DLGAP1: variants seen among roughly 807,000 people sequenced by gnomAD.
DLGAP1 encodes disks large-associated protein 1.
Under a neutral mutation model 90.8 loss-of-function variants are expected in DLGAP1, and 11 were observed. That is an observed-to-expected ratio of 0.12 (90% confidence interval 0.08 to 0.20). The LOEUF is 0.20. Ranked by LOEUF, DLGAP1 falls within the 10% of genes least tolerant of loss-of-function variation. The pLI is 1.00. For missense variants in DLGAP1, 1,050 were observed against 1,333.8 expected (o/e 0.79, Z 3.31); for synonymous variants, 558 against 540.7 (o/e 1.03, Z -0.44).
chr18:4,271,042 T>C (rs1034064468), intron 1 of DLGAP1, among the ~76,000 whole-genome samples: 9 of 152,180 alleles, frequency 5.9e-5, no homozygotes, highest in African/African-American at 1.9e-4. Context: ...CTGACTCATA[T>C]TCCAGAAGAC....
rs1470282602 is a variant in DLGAP1, at chr18:3,683,942, T to C, written c.1591+45193A>G. On this transcript the variant is annotated intron_variant, in intron 7 of 12. Coordinates refer to ENST00000315677, the MANE Select transcript of DLGAP1 (RefSeq NM_004746.4). Reference sequence around the variant, plus strand: ...TGCTCTTAAGATGGAGCAAGTAATATCTCCCTCACTGGGGGGACACGAGGA... The same window carrying C: ...TGCTCTTAAGATGGAGCAAGTAATACCTCCCTCACTGGGGGGACACGAGGA... Among the ~76,000 whole-genome samples the C allele has an allele frequency of 2.0e-5, 3 of 151,976 alleles. No homozygotes were observed. The East Asian group carries it at 5.8e-4, about 29-fold the overall frequency.
At chr18:4,033,779 AC>A (rs2074839075) in intron 2 of DLGAP1, among the ~76,000 whole-genome samples, 1 of 144,944 alleles carries the variant, frequency 6.9e-6, no homozygotes, top group Non-Finnish European at 1.5e-5. Context: ...TCGCTCTGTC[AC>A]CCAGGCTGGA....
chr18:3,985,188 C>T (rs1230976249), intron 3 of DLGAP1, among the ~76,000 whole-genome samples: 9 of 152,180 alleles, frequency 5.9e-5, no homozygotes, highest in Non-Finnish European at 1.2e-4. Flanking sequence ...TAGCAAGAAC[C>T]TCTGAGCCAC....
At chr18:3,930,117 A>C (rs1287464050) in intron 3 of DLGAP1, among the ~76,000 whole-genome samples, 1 of 152,206 alleles carries the variant, frequency 6.6e-6, no homozygotes, top group East Asian at 1.9e-4. Flanking sequence ...ATGGTGTTTT[A>C]TTATTTTAAT....
intron 1 of DLGAP1, among the ~76,000 whole-genome samples, chr18:4,415,218 T>C (rs1244095524): frequency 2.0e-5 from 3 of 152,144 alleles, no homozygotes; most frequent in Non-Finnish European, 4.4e-5. Flanking sequence ...GTATTTTTGA[T>C]GGATAACACA....
chr18:4,357,633 A>G (rs2081550265), intron 1 of DLGAP1, among the ~76,000 whole-genome samples: 1 of 152,212 alleles, frequency 6.6e-6, no homozygotes. Flanking sequence ...TAGCTGGAGT[A>G]GCCTACCTCC....
chr18:4,060,717 T>A lies in DLGAP1; in HGVS notation c.-158-55516A>T, dbSNP rs184436490. ...TTCAAAAGTTATCAAGGTAAATAAGTATTTCTCGTAAGGAAGATTATAAAT... is the reference window on the plus strand; with the variant it reads ...TTCAAAAGTTATCAAGGTAAATAAGAATTTCTCGTAAGGAAGATTATAAAT... On this transcript the variant is annotated intron_variant, in intron 2 of 12. Transcript: ENST00000315677. Among the ~76,000 whole-genome samples, 9 of 152,364 alleles carry A rather than the reference T, an allele frequency of 5.9e-5. No individual in the cohort carries two copies. The East Asian group carries it at 1.3e-3, about 23-fold the overall frequency.
At chr18:3,818,347 T>C (rs1467696414) in intron 4 of DLGAP1, among the ~76,000 whole-genome samples, 1 of 1,254 alleles carries the variant, frequency 8.0e-4, no homozygotes, top group Non-Finnish European at 1.7e-3. Flanking sequence ...GTAGGGATGG[T>C]TTTTTTTTTT....
intron 5 of DLGAP1, among the ~76,000 whole-genome samples, chr18:3,764,384 T>C (rs2064117315): frequency 6.6e-6 from 1 of 152,182 alleles, no homozygotes. Flanking sequence ...GTTGGCTCAG[T>C]CCGTTAACCA....
At chr18:4,000,796 CTCTTA>C (rs1422890690) in intron 3 of DLGAP1, among the ~76,000 whole-genome samples, 16 of 152,210 alleles carry the variant, frequency 1.1e-4, no homozygotes, top group Admixed American at 6.5e-4. Flanking sequence ...GATTTTCCTT[CTCTTA>C]TAAGGGATAT....
intron 1 of DLGAP1, among the ~76,000 whole-genome samples, chr18:4,300,382 A>C (rs2143246261): frequency 6.6e-6 from 1 of 152,346 alleles, no homozygotes; most frequent in Middle Eastern, 3.4e-3. Flanking sequence ...TATCACATGC[A>C]AGACAAAATG....
At position 3,500,195 on chromosome 18, in the gene DLGAP1, T is replaced by G. The variant is rs539896437; in HGVS notation, c.2725-801A>C. ...AGGATGAAAGAGGTCATTCCTCTTA[T>G]CAGCAGCAAACTATGAAATGGGCGG... On this transcript the variant is annotated intron_variant, in intron 12 of 12. Transcript: ENST00000315677. Among the ~76,000 whole-genome samples, 6 of 152,254 alleles carry G rather than the reference T, an allele frequency of 3.9e-5. No individual in the cohort carries two copies. The South Asian group carries it at 6.2e-4, about 16-fold the overall frequency.
chr18:3,830,809 G>A (rs1212076520), intron 4 of DLGAP1, among the ~76,000 whole-genome samples: 1 of 152,140 alleles, frequency 6.6e-6, no homozygotes, highest in East Asian at 1.9e-4. Context: ...CTTGAGAGGA[G>A]GGATGATGTC....
intron 7 of DLGAP1, among the ~76,000 whole-genome samples, chr18:3,652,385 T>G (rs1293171517): frequency 6.6e-6 from 1 of 152,118 alleles, no homozygotes; most frequent in African/African-American, 2.4e-5. Context: ...TGGAGTGCAG[T>G]GGCGCAGTCA....
intron 7 of DLGAP1, among the ~76,000 whole-genome samples, chr18:3,617,591 C>CAAAAAAAAAAAA: frequency 7.6e-6 from 1 of 132,240 alleles, no homozygotes; most frequent in Non-Finnish European, 1.6e-5. Flanking sequence ...AACTCCATCT[C>CAAAAAAAAAAAA]AAAAAAAAAA....
chr18:4,315,247 A>C (rs376995962), intron 1 of DLGAP1, among the ~76,000 whole-genome samples: 2 of 152,366 alleles, frequency 1.3e-5, no homozygotes, highest in South Asian at 4.1e-4. Flanking sequence ...TAAAGTGCTT[A>C]TAACAGTGCC....
At chr18:3,919,665 A>T (rs2072223937) in intron 3 of DLGAP1, among the ~76,000 whole-genome samples, 1 of 152,260 alleles carries the variant, frequency 6.6e-6, no homozygotes, top group South Asian at 2.1e-4. Context: ...ATTGCATGTT[A>T]TCACAAGCCA....
In DLGAP1 at chr18:3,610,882, C is replaced by CTTT. The variant is rs368972569; in HGVS notation, c.1592-28637_1592-28635dup. Among the ~76,000 whole-genome samples the CTTT allele has an allele frequency of 6.9e-5, 10 of 145,604 alleles. 1 individual carries two copies. In the South Asian group the frequency reaches 8.6e-4, roughly 13 times the overall value. On this transcript the variant is annotated intron_variant, in intron 7 of 12. Coordinates refer to ENST00000315677, the MANE Select transcript of DLGAP1 (RefSeq NM_004746.4). ...GGTATAAAAGTATTAACTGTATGGT[C>CTTT]TTTTTTTTTTTTGAGTTTTCATATG...
At chr18:4,178,235 AC>A (rs1449061038) in intron 1 of DLGAP1, among the ~76,000 whole-genome samples, 51 of 151,356 alleles carry the variant, frequency 3.4e-4, no homozygotes, top group Admixed American at 1.8e-3. Flanking sequence ...ACACACACAC[AC>A]ACACACACAC....
Sources: gnomAD v4.1 joint callset for allele counts (sites outside exome capture counted in the v4.1 genomes callset) on GRCh38, gnomAD v4.1.1 for gene constraint, MANE v1.5 for transcripts, NCBI Gene and HGNC (gene_info 2026-07-23, HGNC 2026-07-21) for gene names.